The following CEP44 variants were observed in gnomAD, a reference collection of about 807,000 sequenced individuals.
CEP44 encodes centrosomal protein of 44 kDa.
In CEP44, 45 loss-of-function variants were observed where a neutral mutation model predicts 46.7. The observed-to-expected ratio is 0.96, with a 90% CI of 0.76 to 1.24. The LOEUF is 1.24. Among genes scored for constraint, CEP44 ranks in the 50% most tolerant of loss-of-function variants. The probability of loss-of-function intolerance (pLI) is 0.00; values close to 1 mark genes in which losing one functional copy is unlikely to be tolerated. For missense variants in CEP44, 475 were observed against 459.7 expected (o/e 1.03, Z -0.30); for synonymous variants, 142 against 146.0 (o/e 0.97, Z 0.20).
At chr4:174,303,631 G>A (rs575353488) in intron 4 of CEP44, 72 bp from the exon 5 acceptor site, 2 of 954,332 alleles carry the variant, frequency 2.1e-6, no homozygotes, top group Admixed American at 2.2e-5. Flanking sequence ...CCCCTGACCA[G>A]GTGGGCATTA....
At chr4:174,300,034 T>C (rs762510822) in intron 3 of CEP44, among the ~76,000 whole-genome samples, 7 of 152,202 alleles carry the variant, frequency 4.6e-5, no homozygotes, top group African/African-American at 1.4e-4. Context: ...TCTAGAATTA[T>C]GCATGGCACA....
chr4:174,320,126 T>A lies in CEP44; in HGVS notation c.*2743T>A. 1 of 985,212 alleles carries A rather than the reference T, an allele frequency of 1.0e-6. No individual in the cohort carries two copies. The highest frequency in any genetic ancestry group is 1.7e-5 in the African/African-American group (1 of 57,332). The allele number at this position is 985,212 out of a possible 1,614,324, so 61.0% of individuals were successfully genotyped here. A position where few individuals can be genotyped will look rare whatever the true frequency, so the allele number is the denominator to read the frequency against. ...TGAATAGGTCTCGGTAAAGATTATA[T>A]GGAAATACTATAAAGAATACATAAG... is the stretch of plus-strand genomic sequence containing the variant. On this transcript the variant is annotated 3_prime_UTR_variant, in exon 12 of 12. Transcript: ENST00000503780.
At chr4:174,285,325 T>A (rs1737459041) in intron 1 of CEP44, 1 of 152,224 alleles carries the variant, frequency 6.6e-6, no homozygotes, top group African/African-American at 2.4e-5. Context: ...GTAGACTTAG[T>A]AAAGCCCTTT....
At position 174,329,819 on chromosome 4, in the gene CEP44, G is replaced by A. The variant is rs1246051475; in HGVS notation, c.1087-1663G>A. On this transcript the variant is annotated intron_variant, in intron 8 of 8. Transcript: ENST00000426172. The surrounding 1 kb of genome is among the most constrained non-coding windows in gnomAD (Gnocchi z 4.0). ...TATGGTAAAAATAGACTACTGAACT[G>A]TCTTGTTAAATTTTTAAAGATGAGT... 6.6e-6 allele frequency among the ~76,000 whole-genome samples: 1 copy of A among 152,042 alleles called. No homozygotes were observed. The highest frequency in any genetic ancestry group is 1.5e-5 in the Non-Finnish European group (1 of 67,990).
At chr4:174,292,861 A>C (rs1365781157) in intron 1 of CEP44, among the ~76,000 whole-genome samples, 1 of 152,138 alleles carries the variant, frequency 6.6e-6, no homozygotes, top group Non-Finnish European at 1.5e-5. Flanking sequence ...ATTCTTTGTC[A>C]AGCAGATCAT....
rs1280511788 is a variant in CEP44, at chr4:174,319,774, G to A, written c.*2391G>A. 2.2e-6 allele frequency: 2 copies of A among 914,140 alleles called. No individual in the cohort carries two copies. The highest frequency in any genetic ancestry group is 6.7e-5 in the Admixed American group (1 of 15,012). 56.6% of individuals were successfully genotyped at this position (914,140 alleles called of 1,614,324 possible). On this transcript the variant is annotated 3_prime_UTR_variant, in exon 12 of 12. Transcript: ENST00000503780. ...TATCATACATTTACACTTACAAAGA[G>A]TCTTTATCTAGACAACATAATTTTT...
At position 174,312,331 on chromosome 4, in the gene CEP44, G is replaced by A. The variant is rs992006601; in HGVS notation, c.961+1473G>A. On this transcript the variant is annotated intron_variant, in intron 9 of 11. Coordinates refer to ENST00000503780, the MANE Select transcript of CEP44 (RefSeq NM_001040157.3). The surrounding 1 kb of genome is among the most constrained non-coding windows in gnomAD (Gnocchi z 4.5). ...TGGTCTTACTCTGCTGCTCAGGCTG[G>A]AGTGCAGTGGTGCAATCATAGCTCA... 3.3e-5 allele frequency among the ~76,000 whole-genome samples: 5 copies of A among 151,658 alleles called. No homozygotes were observed. Among genetic ancestry groups the A allele is most frequent in the African/African-American group, 1.2e-4 (5 of 41,274 alleles).
At chr4:174,313,843 G>A (rs915667563) in intron 9 of CEP44, among the ~76,000 whole-genome samples, 15 of 152,056 alleles carry the variant, frequency 9.9e-5, no homozygotes, top group African/African-American at 3.6e-4. Context: ...GTAGGTGATT[G>A]TTACTCTTTA....
chr4:174,325,029 C>T (rs951302475), downstream of CEP44, among the ~76,000 whole-genome samples: 1 of 152,124 alleles, frequency 6.6e-6, no homozygotes, highest in Non-Finnish European at 1.5e-5. The surrounding 1 kb of genome is among the most constrained non-coding windows in gnomAD (Gnocchi z 4.4). Context: ...GGTGGGAATT[C>T]CTCCCTCACC....
chr4:174,303,338 G>A (rs1473230600), intron 4 of CEP44, among the ~76,000 whole-genome samples: 1 of 152,084 alleles, frequency 6.6e-6, no homozygotes, highest in Non-Finnish European at 1.5e-5. Context: ...CATAGTGGAA[G>A]AGTTATAAAC....
rs1370170267 is a variant in CEP44, at chr4:174,287,537, A to G, written c.-148+3594A>G. On this transcript the variant is annotated intron_variant, in intron 1 of 11. Coordinates refer to ENST00000503780, the MANE Select transcript of CEP44 (RefSeq NM_001040157.3). This position sits in a 1 kb window ranked among gnomAD's most constrained non-coding sequence, Gnocchi z 5.1. Reference sequence around the variant, plus strand: ...TCACCAAACATCCTTATCCAGGTCCAGGAACTTTATCCCAGATACCATTTC... The same window carrying G: ...TCACCAAACATCCTTATCCAGGTCCGGGAACTTTATCCCAGATACCATTTC... Among the ~76,000 whole-genome samples the G allele has an allele frequency of 6.6e-6, 1 of 152,230 alleles. No homozygotes were observed. The highest frequency in any genetic ancestry group is 1.5e-5 in the Non-Finnish European group (1 of 68,034).
At chr4:174,296,651 G>C (rs1739053569) in intron 1 of CEP44, among the ~76,000 whole-genome samples, 1 of 151,912 alleles carries the variant, frequency 6.6e-6, no homozygotes, top group Admixed American at 6.6e-5. Context: ...GTCTATCTTG[G>C]TGGATGTTCC....
intron 1 of CEP44, among the ~76,000 whole-genome samples, chr4:174,289,932 G>A (rs1022172857): frequency 2.0e-5 from 3 of 151,304 alleles, no homozygotes; most frequent in Non-Finnish European, 4.4e-5. Context: ...TCCGCCTCCC[G>A]GGTTCAAGTG....
chr4:174,299,954 T>G (rs1739520319), intron 3 of CEP44, among the ~76,000 whole-genome samples: 1 of 152,224 alleles, frequency 6.6e-6, no homozygotes, highest in African/African-American at 2.4e-5. Context: ...TGGTTAAATG[T>G]TCATTGGTTA....
chr4:174,326,316 T>A lies in CEP44; in HGVS notation c.1087-5166T>A, dbSNP rs1742665353. Among the ~76,000 whole-genome samples the A allele has an allele frequency of 6.6e-6, 1 of 151,428 alleles. No individual in the cohort carries two copies. The highest frequency in any genetic ancestry group is 2.4e-5 in the African/African-American group (1 of 40,892). On this transcript the variant is annotated intron_variant, in intron 8 of 8. Transcript: ENST00000426172. This position sits in a 1 kb window ranked among gnomAD's most constrained non-coding sequence, Gnocchi z 4.8. ...TACTATAAGCTACTGTCAAATATTA[T>A]ACTACTCATTTTTCAGTATATATAT...
chr4:174,294,884 C>T (rs111923196), intron 1 of CEP44, among the ~76,000 whole-genome samples: 81 of 121,406 alleles, frequency 6.7e-4, no homozygotes, highest in African/African-American at 2.4e-3. Context: ...CCGGACGGGG[C>T]GGCTGGCCGG....
rs1579178856 is a variant in CEP44, at chr4:174,326,293, C to G, written c.1087-5189C>G. On this transcript the variant is annotated intron_variant, in intron 8 of 8. Coordinates refer to the CEP44 transcript ENST00000426172. The surrounding 1 kb of genome is among the most constrained non-coding windows in gnomAD (Gnocchi z 4.8). ...ATTTGTAGTATATATATTTAACTTA[C>G]TATAAGCTACTGTCAAATATTATAC... 6.6e-6 allele frequency among the ~76,000 whole-genome samples: 1 copy of G among 151,332 alleles called. No individual in the cohort carries two copies. Among genetic ancestry groups the G allele is most frequent in the Non-Finnish European group, 1.5e-5 (1 of 67,762 alleles).
chr4:174,302,647 A>G (rs1739866574), intron 4 of CEP44, among the ~76,000 whole-genome samples: 1 of 152,010 alleles, frequency 6.6e-6, no homozygotes, highest in Admixed American at 6.6e-5. Context: ...TTATACTTGT[A>G]CTATGTGTAT....
chr4:174,320,688 G>GTGTGTA (rs1553987101), downstream of CEP44, among the ~76,000 whole-genome samples: 5 of 134,832 alleles, frequency 3.7e-5, no homozygotes, highest in Non-Finnish European at 6.3e-5. Flanking sequence ...TGTGCTCTGT[G>GTGTGTA]TGTGTGTGTG....
Sources: gnomAD v4.1 joint callset for allele counts (sites outside exome capture counted in the v4.1 genomes callset) on GRCh38, gnomAD v4.1.1 for gene constraint, Gnocchi (gnomAD v3.1) non-coding constraint, MANE v1.5 for transcripts, NCBI Gene and HGNC (gene_info 2026-07-23, HGNC 2026-07-21) for gene names.